The following SDK1 variants were observed in gnomAD, a reference collection of about 807,000 sequenced individuals.
The protein encoded by SDK1 is sidekick cell adhesion molecule 1.
A neutral mutation model predicts 245.5 loss-of-function variants in SDK1; 157 were observed. The ratio of observed to expected loss-of-function variants is 0.64; its 90% CI spans 0.56 to 0.73. The LOEUF (loss-of-function observed/expected upper bound fraction) is 0.73, where lower values mean the gene tolerates loss of function less well. Among genes scored for constraint, SDK1 ranks in the 30% least tolerant of loss-of-function variants. SDK1 has a pLI of 0.00. For missense variants in SDK1, 3,583 were observed against 3,002.3 expected (o/e 1.19, Z -4.52); for synonymous variants, 1,647 against 1,278.5 (o/e 1.29, Z -6.15).
At chr7:3,414,612 A>G (rs1270677934) in intron 1 of SDK1, among the ~76,000 whole-genome samples, 1 of 152,296 alleles carries the variant, frequency 6.6e-6, no homozygotes, top group East Asian at 1.9e-4. Flanking sequence ...GTCTACTATA[A>G]AATTTATTTA....
At chr7:3,766,526 G>C (rs1780258375) in intron 4 of SDK1, among the ~76,000 whole-genome samples, 2 of 152,018 alleles carry the variant, frequency 1.3e-5, no homozygotes, top group South Asian at 4.2e-4. Context: ...AAGTGTACCT[G>C]GTTAATATGG....
chr7:3,753,026 C>T (rs542801624), intron 4 of SDK1, among the ~76,000 whole-genome samples: 3 of 152,252 alleles, frequency 2.0e-5, no homozygotes, highest in South Asian at 2.1e-4. Context: ...TGATACTACT[C>T]GGTGTCTGCC....
At chr7:4,116,846 C>T (rs547530379) in intron 25 of SDK1, among the ~76,000 whole-genome samples, 34 of 152,320 alleles carry the variant, frequency 2.2e-4, no homozygotes, top group African/African-American at 6.7e-4. Flanking sequence ...CAGTGTGCTT[C>T]TGAGAGGACC....
chr7:3,732,098 AT>A lies in SDK1; in HGVS notation c.714-89347del, dbSNP rs1562403068. Among the ~76,000 whole-genome samples the A allele has an allele frequency of 9.8e-5, 15 of 152,288 alleles. No individual in the cohort carries two copies. The South Asian group carries it at 3.1e-3, about 32-fold the overall frequency. ...AGCCACCACACCCAGCAGTAATTTT[AT>A]TTTTAAGATGGAAGGGTGAATGAAG... On this transcript the variant is annotated intron_variant, in intron 4 of 44. Transcript: ENST00000404826.
At chr7:3,431,404 C>A (rs1779844083) in intron 1 of SDK1, among the ~76,000 whole-genome samples, 1 of 140,860 alleles carries the variant, frequency 7.1e-6, no homozygotes, top group African/African-American at 2.8e-5. Flanking sequence ...TTTTACTTAG[C>A]CAGAATCCTA....
In SDK1 at chr7:3,672,759, T is replaced by TTA. The variant is rs60760676; in HGVS notation, c.713+30689_713+30690dup. ...ATATATATTTTTATAATATATAATT[T>TTA]TATATATATATATATATATATATAT... On this transcript the variant is annotated intron_variant, in intron 4 of 44. Coordinates refer to ENST00000404826, the MANE Select transcript of SDK1 (RefSeq NM_152744.4). 5.3e-3 allele frequency among the ~76,000 whole-genome samples: 267 copies of TTA among 50,750 alleles called. 2 individuals are homozygous for TTA. The highest frequency in any genetic ancestry group is 0.026 in the East Asian group (41 of 1,594). 33.3% of individuals were successfully genotyped at this position (50,750 alleles called of 152,430 possible).
At chr7:3,548,330 G>A (rs1779295598) in intron 1 of SDK1, among the ~76,000 whole-genome samples, 1 of 152,122 alleles carries the variant, frequency 6.6e-6, no homozygotes, top group South Asian at 2.1e-4. Context: ...AATTCTAGAT[G>A]AATTATTGTT....
intron 40 of SDK1, among the ~76,000 whole-genome samples, 176 bp downstream of exon 40, chr7:4,221,540 T>A (rs1026573547): frequency 2.0e-5 from 3 of 152,358 alleles, no homozygotes; most frequent in Non-Finnish European, 2.9e-5. Flanking sequence ...CCTCCCAGTC[T>A]TCATAGTCAC....
chr7:3,571,352 G>A lies in SDK1; in HGVS notation c.299-47728G>A, dbSNP rs149156845. Reference sequence around the variant, plus strand: ...GGATCTTACATTGTCACGCACGTGGGGGTGCAGTGGCACAATCACAGTTCA... The same window carrying A: ...GGATCTTACATTGTCACGCACGTGGAGGTGCAGTGGCACAATCACAGTTCA... On this transcript the variant is annotated intron_variant, in intron 1 of 44. Coordinates refer to ENST00000404826, the MANE Select transcript of SDK1 (RefSeq NM_152744.4). Among the ~76,000 whole-genome samples the A allele has an allele frequency of 5.8e-3, 883 of 151,780 alleles. 12 individuals carry two copies. The highest frequency in any genetic ancestry group is 0.02 in the African/African-American group (815 of 41,432).
chr7:3,310,246 A>G (rs1014112032), intron 1 of SDK1, among the ~76,000 whole-genome samples: 6 of 152,202 alleles, frequency 3.9e-5, no homozygotes, highest in Non-Finnish European at 8.8e-5. Flanking sequence ...TTTGGTGCTG[A>G]GTCCAAAATC....
At chr7:3,551,375 C>T (rs143667996) in intron 1 of SDK1, among the ~76,000 whole-genome samples, 82 of 152,222 alleles carry the variant, frequency 5.4e-4, no homozygotes, top group African/African-American at 1.8e-3. Context: ...CCAAGATTAT[C>T]CTGGTAAAGT....
chr7:3,474,455 C>G (rs1781286901), intron 1 of SDK1, among the ~76,000 whole-genome samples: 4 of 152,030 alleles, frequency 2.6e-5, no homozygotes. Flanking sequence ...ACCCCAGTAT[C>G]TCACCACTCA....
chr7:3,462,889 AC>A (rs888447532), intron 1 of SDK1, among the ~76,000 whole-genome samples: 20 of 152,204 alleles, frequency 1.3e-4, no homozygotes, highest in Admixed American at 1.1e-3. Context: ...ATATCATGTT[AC>A]CCCCACCAGG....
intron 1 of SDK1, among the ~76,000 whole-genome samples, chr7:3,399,974 C>A (rs745377025): frequency 2.4e-4 from 37 of 152,030 alleles, no homozygotes; most frequent in Non-Finnish European, 5.1e-4. Flanking sequence ...GGGTAGAGGG[C>A]TTCTCCTGCT....
rs113581577 is a variant in SDK1, at chr7:4,178,601, C to G, written c.5098+15C>G. 3.2e-6 allele frequency: 5 copies of G among 1,582,944 alleles called. No homozygotes were observed. In the African/African-American group the frequency reaches 4.0e-5, roughly 13 times the overall value. On this transcript the variant is annotated intron_variant, in intron 35 of 44. Transcript: ENST00000404826. ...CGGCGAGGCTGGTAAGCTCCGTGCA[C>G]CCCCAACCCCACTGCCAGAGAGGGC... is the stretch of plus-strand genomic sequence containing the variant.
chr7:3,929,784 T>C (rs1779908501), intron 5 of SDK1, among the ~76,000 whole-genome samples: 1 of 151,890 alleles, frequency 6.6e-6, no homozygotes, highest in African/African-American at 2.4e-5. Flanking sequence ...TGGAGAGGTG[T>C]ATTAGCTGGT....
In SDK1 at chr7:3,949,286, T is replaced by C. The variant is rs143668161; in HGVS notation, c.848-1637T>C. ...GATTTTAAAACATTCATTACTTGGC[T>C]CTGTCTGCATCAGGCTTCTGTTTTT... On this transcript the variant is annotated intron_variant, in intron 5 of 44. Coordinates refer to ENST00000404826, the MANE Select transcript of SDK1 (RefSeq NM_152744.4). Among the ~76,000 whole-genome samples the C allele has an allele frequency of 2.0e-5, 3 of 152,360 alleles. No individual in the cohort carries two copies. In the East Asian group the frequency reaches 5.8e-4, roughly 29 times the overall value.
intron 41 of SDK1, among the ~76,000 whole-genome samples, chr7:4,235,108 C>T (rs1289755080): frequency 6.6e-6 from 1 of 152,104 alleles, no homozygotes; most frequent in Non-Finnish European, 1.5e-5. Flanking sequence ...TGGGAACATC[C>T]TTGAATTCCG....
At chr7:3,847,973 A>G (rs925614514) in intron 5 of SDK1, among the ~76,000 whole-genome samples, 2 of 149,930 alleles carry the variant, frequency 1.3e-5, no homozygotes, top group East Asian at 3.9e-4. Context: ...TATTAATCAT[A>G]CTATCGTACT....
Sources: gnomAD v4.1 joint callset for allele counts (sites outside exome capture counted in the v4.1 genomes callset) on GRCh38, gnomAD v4.1.1 for gene constraint, MANE v1.5 for transcripts, NCBI Gene and HGNC (gene_info 2026-07-23, HGNC 2026-07-21) for gene names.